The following GRIA4 variants were observed in gnomAD, a reference collection of about 807,000 sequenced individuals.
The protein encoded by GRIA4 is glutamate receptor 4.
GRIA4 carries 34 observed loss-of-function variants against 104.0 expected under a neutral mutation model. That is an observed-to-expected ratio of 0.33 (90% CI 0.25 to 0.44). GRIA4 has a LOEUF of 0.44. Ranked by LOEUF, GRIA4 falls within the 20% of genes least tolerant of loss-of-function variation. The pLI, the probability that GRIA4 is intolerant of heterozygous loss-of-function variation, is 1.00. For missense variants in GRIA4, 750 were observed against 1,096.5 expected (o/e 0.68, Z 4.46); for synonymous variants, 386 against 381.9 (o/e 1.01, Z -0.13).
intron 4 of GRIA4, among the ~76,000 whole-genome samples, chr11:105,852,052 TG>T (rs1944831161): frequency 6.6e-6 from 1 of 152,190 alleles, no homozygotes; most frequent in Non-Finnish European, 1.5e-5. Flanking sequence ...GCTCATGAAA[TG>T]TCTTAAATGT....
At chr11:105,885,864 C>CT (rs1946237814) in intron 5 of GRIA4, among the ~76,000 whole-genome samples, 1 of 152,188 alleles carries the variant, frequency 6.6e-6, no homozygotes, top group Non-Finnish European at 1.5e-5. Context: ...CCAGTGATAC[C>CT]AATATTGCAG....
chr11:105,827,401 A>G (rs887438435), intron 4 of GRIA4, among the ~76,000 whole-genome samples: 6 of 152,056 alleles, frequency 3.9e-5, no homozygotes, highest in African/African-American at 1.4e-4. Context: ...TTTAGAAGAA[A>G]AAAAACAGTA....
At chr11:105,923,644 C>G (rs1205474546) in intron 11 of GRIA4, among the ~76,000 whole-genome samples, 1 of 152,094 alleles carries the variant, frequency 6.6e-6, no homozygotes, top group Non-Finnish European at 1.5e-5. Flanking sequence ...GCTGTAGAAA[C>G]AAGCTCAGAA....
At chr11:105,640,882 C>T (rs1249678675) in intron 3 of GRIA4, among the ~76,000 whole-genome samples, 1 of 151,840 alleles carries the variant, frequency 6.6e-6, no homozygotes, top group Non-Finnish European at 1.5e-5. Flanking sequence ...TATTCCATTT[C>T]CTTTGCTTAT....
chr11:105,911,974 G>C, intron 10 of GRIA4: 2 of 1,486,876 alleles, frequency 1.3e-6, no homozygotes, highest in Non-Finnish European at 1.8e-6. Flanking sequence ...TTGTTCTCCA[G>C]TGTAGTAAAT....
At chr11:105,709,723 G>C (rs1003857741) in intron 3 of GRIA4, among the ~76,000 whole-genome samples, 3 of 152,010 alleles carry the variant, frequency 2.0e-5, no homozygotes, top group Admixed American at 2.0e-4. Context: ...GGAAGAGAGG[G>C]AAGAAAAAGG....
intron 3 of GRIA4, among the ~76,000 whole-genome samples, chr11:105,670,123 G>A (rs969402068): frequency 6.6e-6 from 1 of 152,022 alleles, no homozygotes; most frequent in African/African-American, 2.4e-5. Context: ...AAAGAGTAAT[G>A]AGAATATACC....
chr11:105,657,845 A>C (rs1338940344), intron 3 of GRIA4, among the ~76,000 whole-genome samples: 1 of 151,968 alleles, frequency 6.6e-6, no homozygotes, highest in Non-Finnish European at 1.5e-5. Context: ...TTCAAATATT[A>C]GTACAGATGG....
At chr11:105,686,134 T>G (rs1952874720) in intron 3 of GRIA4, among the ~76,000 whole-genome samples, 1 of 152,152 alleles carries the variant, frequency 6.6e-6, no homozygotes, top group Non-Finnish European at 1.5e-5. Context: ...AAATATTTTG[T>G]GATGCTGAGG....
At chr11:105,762,861 G>T (rs1019464531) in intron 4 of GRIA4, among the ~76,000 whole-genome samples, 12 of 152,148 alleles carry the variant, frequency 7.9e-5, no homozygotes, top group Admixed American at 7.2e-4. Flanking sequence ...TACCCAGTCT[G>T]GGATATGTCT....
At chr11:105,933,420 GA>G (rs1245649479) in intron 13 of GRIA4, among the ~76,000 whole-genome samples, 1 of 151,822 alleles carries the variant, frequency 6.6e-6, no homozygotes, top group Non-Finnish European at 1.5e-5. Context: ...AGTCTACATA[GA>G]AAAAAACAGT....
chr11:105,947,451 G>C (rs1948344247), intron 14 of GRIA4, among the ~76,000 whole-genome samples: 1 of 152,118 alleles, frequency 6.6e-6, no homozygotes, highest in African/African-American at 2.4e-5. Flanking sequence ...GTTATATCAG[G>C]AAGATTTGTT....
chr11:105,973,692 A>G (rs1202239969), intron 15 of GRIA4, among the ~76,000 whole-genome samples: 1 of 152,158 alleles, frequency 6.6e-6, no homozygotes, highest in Admixed American at 6.6e-5. Flanking sequence ...ATAATATGCA[A>G]AAGTAACATT....
intron 4 of GRIA4, among the ~76,000 whole-genome samples, chr11:105,831,668 T>A (rs1450484413): frequency 6.6e-6 from 1 of 151,926 alleles, no homozygotes; most frequent in Non-Finnish European, 1.5e-5. Context: ...TTAAAGCGAG[T>A]GCCTCTGATA....
chr11:105,892,538 G>A (rs1946493961), intron 6 of GRIA4, among the ~76,000 whole-genome samples: 1 of 152,096 alleles, frequency 6.6e-6, no homozygotes, highest in Non-Finnish European at 1.5e-5. Context: ...GATACAGAGA[G>A]CAAAGTGACT....
At chr11:105,709,005 A>C (rs2135543578) in intron 3 of GRIA4, among the ~76,000 whole-genome samples, 1 of 152,214 alleles carries the variant, frequency 6.6e-6, no homozygotes, top group South Asian at 2.1e-4. Context: ...CTTGGCATCC[A>C]TTCTCCAATT....
chr11:105,815,643 T>G (rs1340181748), intron 4 of GRIA4, among the ~76,000 whole-genome samples: 2 of 149,778 alleles, frequency 1.3e-5, no homozygotes, highest in Non-Finnish European at 2.9e-5. Flanking sequence ...CTGCCAAGTA[T>G]GTTTAAGGGG....
chr11:105,972,815 G>A (rs968070027), intron 15 of GRIA4, among the ~76,000 whole-genome samples: 3 of 152,130 alleles, frequency 2.0e-5, no homozygotes, highest in Non-Finnish European at 2.9e-5. Context: ...TATAGTAACA[G>A]CACCTGAAAG....
chr11:105,741,515 G>A (rs1939303886), intron 3 of GRIA4, among the ~76,000 whole-genome samples: 1 of 152,148 alleles, frequency 6.6e-6, no homozygotes, highest in Non-Finnish European at 1.5e-5. Flanking sequence ...TGCAAGAGGA[G>A]GAAACATGGG....
Sources: gnomAD v4.1 joint callset for allele counts (sites outside exome capture counted in the v4.1 genomes callset) on GRCh38, gnomAD v4.1.1 for gene constraint, MANE v1.5 for transcripts, NCBI Gene and HGNC (gene_info 2026-07-23, HGNC 2026-07-21) for gene names.